The following WIPF3 variants were observed in gnomAD, a reference collection of about 807,000 sequenced individuals.
The protein encoded by WIPF3 is WAS/WASL-interacting protein family member 3.
In WIPF3, 33 loss-of-function variants were observed where a neutral mutation model predicts 38.9. That is an observed-to-expected ratio of 0.85 (90% CI 0.64 to 1.14). The LOEUF (loss-of-function observed/expected upper bound fraction) is 1.14. Among genes scored for constraint, WIPF3 ranks in the 50% most tolerant of loss-of-function variants. The probability of loss-of-function intolerance (pLI) is 0.00; values close to 1 mark genes in which losing one functional copy is unlikely to be tolerated. For missense variants in WIPF3, 711 were observed against 652.5 expected, an observed-to-expected ratio of 1.09 and a Z score of -0.98; for synonymous variants, 324 against 269.3, an observed-to-expected ratio of 1.20 and a Z score of -1.99.
intron 2 of WIPF3, among the ~76,000 whole-genome samples, chr7:29,869,191 G>C (rs61704554): frequency 0.039 from 5,866 of 152,136 alleles, 211 homozygotes; most frequent in African/African-American, 0.083. Flanking sequence ...CACACACCTG[G>C]CTAATTTTGT....
chr7:29,902,773 G>A (rs11983584), intron 7 of WIPF3, among the ~76,000 whole-genome samples: 22,534 of 151,742 alleles, frequency 0.15, 1,832 homozygotes, highest in African/African-American at 0.19. Context: ...CCTGGGAGGC[G>A]GAGGTTGCAG....
chr7:29,912,865 G>C (rs7784483), intron 8 of WIPF3, among the ~76,000 whole-genome samples: 70,911 of 152,070 alleles, frequency 0.47, 18,249 homozygotes, highest in East Asian at 0.72. Context: ...AAGTACTTAC[G>C]GTAGTAGAAA....
chr7:29,903,893 A>T (rs1163847844), intron 7 of WIPF3, among the ~76,000 whole-genome samples: 1 of 152,210 alleles, frequency 6.6e-6, no homozygotes, highest in East Asian at 1.9e-4. Flanking sequence ...AGCACAGCAC[A>T]CTTGAGAGAA....
chr7:29,884,854 C>T (rs1785839873), intron 5 of WIPF3, among the ~76,000 whole-genome samples: 1 of 152,168 alleles, frequency 6.6e-6, no homozygotes, highest in African/African-American at 2.4e-5. Context: ...GGATAGATGG[C>T]AATAGTTGTT....
At chr7:29,820,786 C>T (rs988199818) in intron 1 of WIPF3, among the ~76,000 whole-genome samples, 3 of 152,166 alleles carry the variant, frequency 2.0e-5, no homozygotes, top group East Asian at 1.9e-4. Context: ...GAGAAATAGA[C>T]GTGATTTATT....
intron 2 of WIPF3, among the ~76,000 whole-genome samples, chr7:29,846,819 G>A (rs919316344): frequency 2.6e-5 from 4 of 152,246 alleles, no homozygotes; most frequent in Admixed American, 2.6e-4. Context: ...TAGGGATCAT[G>A]TAATGGTGCA....
chr7:29,892,938 G>A (rs150030055), intron 7 of WIPF3, among the ~76,000 whole-genome samples: 2,069 of 152,222 alleles, frequency 0.014, 26 homozygotes, highest in Non-Finnish European at 0.017. Flanking sequence ...GGTGGCGGAC[G>A]CCCGTAATCC....
Position 29,811,143 on chromosome 7 carries a change from A to G in WIPF3, c.-58+4465A>G, listed in dbSNP as rs796672438. 2.0e-5 allele frequency among the ~76,000 whole-genome samples: 3 copies of G among 152,194 alleles called. No homozygotes were observed. In the East Asian group the frequency reaches 5.8e-4, roughly 29 times the overall value. ...TGGATTTAAGCGATCCTCCTGCCTC[A>G]GCCTCCCAAAGTGCTGGGATTACAG... On this transcript the variant is annotated intron_variant, in intron 1 of 8. Transcript: ENST00000242140.
At chr7:29,809,932 C>T (rs1784344270) in intron 1 of WIPF3, among the ~76,000 whole-genome samples, 1 of 152,076 alleles carries the variant, frequency 6.6e-6, no homozygotes, top group African/African-American at 2.4e-5. Context: ...TGGTGGCATC[C>T]AGGAGAGAGT....
chr7:29,890,343 C>T (rs147335256), intron 7 of WIPF3, among the ~76,000 whole-genome samples: 1 of 134,628 alleles, frequency 7.4e-6, no homozygotes, highest in Non-Finnish European at 1.6e-5. Flanking sequence ...CAGAGTGAGA[C>T]TCTGTATCCA....
chr7:29,854,770 C>G (rs1443568943), intron 2 of WIPF3, among the ~76,000 whole-genome samples: 3 of 152,204 alleles, frequency 2.0e-5, no homozygotes, highest in African/African-American at 4.8e-5. Flanking sequence ...TGTCGAAATC[C>G]TAACCCCCAG....
intron 2 of WIPF3, among the ~76,000 whole-genome samples, chr7:29,872,853 G>C (rs1186258368): frequency 6.7e-6 from 1 of 148,490 alleles, no homozygotes; most frequent in Non-Finnish European, 1.5e-5. Flanking sequence ...TCTAGCGGGA[G>C]ATCATCGGGG....
intron 8 of WIPF3, among the ~76,000 whole-genome samples, chr7:29,908,192 G>A (rs1786436755): frequency 6.6e-6 from 1 of 152,238 alleles, no homozygotes; most frequent in African/African-American, 2.4e-5. Context: ...TCAAAAGAGA[G>A]CAGGGGTGGC....
At chr7:29,883,813 TA>T (rs1270183106) in intron 4 of WIPF3, 36 bp from the exon 5 acceptor site, 1 of 1,510,952 alleles carries the variant, frequency 6.6e-7, no homozygotes, top group East Asian at 2.3e-5. Flanking sequence ...TCTCCTTCTT[TA>T]TTGCCGAGCT....
At chr7:29,815,643 C>G (rs560466072) in intron 1 of WIPF3, among the ~76,000 whole-genome samples, 1 of 152,188 alleles carries the variant, frequency 6.6e-6, no homozygotes, top group African/African-American at 2.4e-5. Flanking sequence ...CACCTTCTCA[C>G]CAGCATGCTT....
intron 7 of WIPF3, among the ~76,000 whole-genome samples, chr7:29,895,579 A>G (rs932888898): frequency 2.0e-5 from 3 of 152,236 alleles, no homozygotes; most frequent in Non-Finnish European, 4.4e-5. Flanking sequence ...GAAACTGGGT[A>G]ATTTATAGGA....
chr7:29,812,696 G>A (rs62459988), intron 1 of WIPF3, among the ~76,000 whole-genome samples: 3,905 of 152,242 alleles, frequency 0.026, 64 homozygotes, highest in South Asian at 0.053. Context: ...TGGGTAAATT[G>A]CAACCCCATC....
chr7:29,831,343 G>A (rs1043119716), intron 1 of WIPF3, among the ~76,000 whole-genome samples: 4 of 152,154 alleles, frequency 2.6e-5, no homozygotes, highest in Non-Finnish European at 5.9e-5. Flanking sequence ...ATTAGATGGC[G>A]CCCACCCACA....
intron 1 of WIPF3, among the ~76,000 whole-genome samples, chr7:29,830,120 C>T (rs895063491): frequency 1.5e-4 from 23 of 151,120 alleles, no homozygotes; most frequent in Admixed American, 3.3e-4. Flanking sequence ...AAGCCTTTCA[C>T]AGCCATCAAA....
Sources: gnomAD v4.1 joint callset for allele counts (sites outside exome capture counted in the v4.1 genomes callset) on GRCh38, gnomAD v4.1.1 for gene constraint, MANE v1.5 for transcripts, NCBI Gene and HGNC (gene_info 2026-07-23, HGNC 2026-07-21) for gene names.